ADGRE3: variants seen among roughly 807,000 people sequenced by gnomAD.
ADGRE3 encodes the protein EGF-like module receptor 3.
A neutral mutation model predicts 80.1 loss-of-function variants in ADGRE3; 88 were observed. That is an observed-to-expected ratio of 1.10 (90% CI 0.93 to 1.31). ADGRE3 has a LOEUF of 1.31. Among genes scored for constraint, ADGRE3 ranks in the 40% most tolerant of loss-of-function variants. The pLI is 0.00. For missense variants in ADGRE3, 715 were observed against 776.5 expected, an observed-to-expected ratio of 0.92 and a Z score of 0.94; for synonymous variants, 281 against 294.8, an observed-to-expected ratio of 0.95 and a Z score of 0.48.
chr19:14,621,130 T>G, intron 15 of ADGRE3, among the ~76,000 whole-genome samples: 1 of 151,990 alleles, frequency 6.6e-6, no homozygotes. Context: ...AGCGATTCTC[T>G]TGCCTCAGTC....
At chr19:14,665,363 G>A (rs1265565790) in intron 2 of ADGRE3, among the ~76,000 whole-genome samples, 1 of 151,814 alleles carries the variant, frequency 6.6e-6, no homozygotes, top group Non-Finnish European at 1.5e-5. Flanking sequence ...GCGCCCAGCT[G>A]CAACCTCATT....
At chr19:14,653,096 C>T (rs1251309993) in intron 6 of ADGRE3, among the ~76,000 whole-genome samples, 1 of 152,000 alleles carries the variant, frequency 6.6e-6, no homozygotes, top group Non-Finnish European at 1.5e-5. Context: ...GATTCTCCTT[C>T]CTCAGCCTCA....
At chr19:14,607,053 G>T in the ADGRE3 span, 1 of 1,356,332 alleles carries the variant, frequency 7.4e-7, no homozygotes, top group Non-Finnish European at 9.6e-7. Context: ...GAATGACAGG[G>T]CCCAGGAAGG....
intron 14 of ADGRE3, among the ~76,000 whole-genome samples, chr19:14,628,178 G>A (rs1462414730): frequency 4.6e-5 from 7 of 151,384 alleles, no homozygotes; most frequent in Non-Finnish European, 5.9e-5. Flanking sequence ...ACAAAAACTG[G>A]ATGCTATGAT....
At chr19:14,616,547 A>G (rs2075076151), downstream of ADGRE3, among the ~76,000 whole-genome samples, 1 of 151,950 alleles carries the variant, frequency 6.6e-6, no homozygotes, top group African/African-American at 2.4e-5. Flanking sequence ...ATAGTGTGGC[A>G]TCAGGGAAGC....
At chr19:14,634,927 G>T (rs1034544501) in intron 11 of ADGRE3, among the ~76,000 whole-genome samples, 2 of 152,000 alleles carry the variant, frequency 1.3e-5, no homozygotes, top group African/African-American at 4.8e-5. Flanking sequence ...TCCTACCTCT[G>T]ATATACGATC....
In ADGRE3 at chr19:14,644,154, C is replaced by A; in HGVS notation, c.1004G>T (p.Cys335Phe). ...HVNKSHTMCNCSHLSSFAVLM... is the reference protein window; with the variant it reads ...HVNKSHTMCNFSHLSSFAVLM... ...GACAGCGAAGCTGGACAGGTGACTG[C>A]AATTACACATGGTGTGACTCTTGTT... The change falls in exon 9 of 16, where the codon TGC becomes TTC. Residue 335 changes from cysteine (C) to phenylalanine (F), a missense_variant. Cys to Phe is a radical substitution (Grantham distance 205, BLOSUM62 -2). Coordinates refer to ENST00000253673, the MANE Select transcript of ADGRE3 (RefSeq NM_032571.5). 6.3e-7 allele frequency: 1 copy of A among 1,597,964 alleles called. No individual in the cohort carries two copies. The highest frequency in any genetic ancestry group is 8.5e-7 in the Non-Finnish European group (1 of 1,172,940).
intron 1 of ADGRE3, among the ~76,000 whole-genome samples, chr19:14,671,808 G>T (rs1972263516): frequency 6.6e-6 from 1 of 151,548 alleles, no homozygotes; most frequent in Non-Finnish European, 1.5e-5. Context: ...TTTTTTTGAG[G>T]CAGGTTCTTT....
rs754268710 is a variant in ADGRE3 at position 14,662,032 on chromosome 19, A to G, written c.286T>C (p.Cys96Arg). Residue 96 changes from cysteine to arginine, a missense_variant, in exon 4 of 16, where the codon TGT (cysteine) becomes CGT (arginine). By Grantham distance (180) the Cys-to-Arg change is radical. Coordinates refer to ENST00000253673, the MANE Select transcript of ADGRE3 (RefSeq NM_032571.5). ...GAATGCAGTCTATATCCTGGGACAC[A>G]TTGACAGTAGAAACTTCCTTCGACA... ...YNVEGSFYCQ[C>R]VPGYRLHSGN... The G allele has an allele frequency of 5.6e-6, 9 of 1,614,154 alleles. No homozygotes were observed. Among genetic ancestry groups the G allele is most frequent in the Non-Finnish European group, 7.6e-6 (9 of 1,179,952 alleles).
At chr19:14,600,668 G>A in the ADGRE3 span, among the ~76,000 whole-genome samples, 1 of 150,578 alleles carries the variant, frequency 6.6e-6, no homozygotes, top group African/African-American at 2.4e-5. Flanking sequence ...TGTAAGCTCC[G>A]CCTCCCGGGT....
intron 14 of ADGRE3, among the ~76,000 whole-genome samples, chr19:14,625,910 G>T (rs1970725567): frequency 6.6e-6 from 1 of 152,086 alleles, no homozygotes; most frequent in Non-Finnish European, 1.5e-5. Context: ...TAAAGTAGAA[G>T]AGCGGTTTCC....
At chr19:14,602,009 G>A in the ADGRE3 span, among the ~76,000 whole-genome samples, 1 of 151,934 alleles carries the variant, frequency 6.6e-6, no homozygotes, top group African/African-American at 2.4e-5. Flanking sequence ...AGCCAGGATG[G>A]TCTCGATCTC....
intron 1 of ADGRE3, among the ~76,000 whole-genome samples, chr19:14,673,379 A>G (rs1325016293): frequency 6.6e-6 from 1 of 152,232 alleles, no homozygotes; most frequent in Admixed American, 6.5e-5. Flanking sequence ...TATTGGGACT[A>G]TCAATATTGT....
At chr19:14,617,143 A>G (rs1209479741), downstream of ADGRE3, among the ~76,000 whole-genome samples, 1 of 151,916 alleles carries the variant, frequency 6.6e-6, no homozygotes, top group Admixed American at 6.6e-5. Flanking sequence ...TAGAGTGGCT[A>G]TTGCAGAGGG....
At chr19:14,664,180 G>GT (rs1972030310) in intron 2 of ADGRE3, among the ~76,000 whole-genome samples, 2 of 152,266 alleles carry the variant, frequency 1.3e-5, no homozygotes, top group Admixed American at 6.5e-5. Context: ...GCAGGTGCCT[G>GT]TAATTCCAGC....
chr19:14,640,732 A>G (rs7260200), intron 10 of ADGRE3, among the ~76,000 whole-genome samples: 4,469 of 152,180 alleles, frequency 0.029, 200 homozygotes, highest in African/African-American at 0.1. Context: ...TGTGGGGAGG[A>G]CCCGGTGGGA....
At chr19:14,617,393 T>A (rs554713578), downstream of ADGRE3, among the ~76,000 whole-genome samples, 1 of 141,724 alleles carries the variant, frequency 7.1e-6, no homozygotes, top group African/African-American at 2.6e-5. Context: ...TTTCTTTCTT[T>A]CTTTCTTTTC....
intron 11 of ADGRE3, among the ~76,000 whole-genome samples, chr19:14,636,149 T>TTCCTTCCTTCCTTC (rs1555755847): frequency 0.018 from 733 of 40,606 alleles, 145 homozygotes; most frequent in African/African-American, 0.037. Flanking sequence ...TTTCTTTCTT[T>TTCCTTCCTTCCTTC]CTTCCTTTCC....
rs569906419 is a variant in ADGRE3 at position 14,642,396 on chromosome 19, C to T, written c.1051-780G>A. On this transcript the variant is annotated intron_variant, in intron 9 of 15. Coordinates refer to ENST00000253673, the MANE Select transcript of ADGRE3 (RefSeq NM_032571.5). ...TGCAGAGGGCTTGTGCTATGCAGTA[C>T]CAGTTTGATCAGAGAGCTCATACTA... 7.9e-5 allele frequency among the ~76,000 whole-genome samples: 12 copies of T among 152,110 alleles called. 1 individual carries two copies. The South Asian group carries it at 2.3e-3, about 29-fold the overall frequency.
Sources: gnomAD v4.1 joint callset for allele counts (sites outside exome capture counted in the v4.1 genomes callset) on GRCh38, gnomAD v4.1.1 for gene constraint, MANE v1.5 for transcripts, NCBI Gene and HGNC (gene_info 2026-07-23, HGNC 2026-07-21) for gene names.